The following CASZ1 variants were observed in gnomAD, a reference collection of about 807,000 sequenced individuals.
The protein encoded by CASZ1 is zinc finger protein castor homolog 1.
In CASZ1, 28 loss-of-function variants were observed where a neutral mutation model predicts 135.2. The ratio of observed to expected loss-of-function variants is 0.21; its 90% CI spans 0.15 to 0.28. The LOEUF (loss-of-function observed/expected upper bound fraction) is 0.28. CASZ1 is among the 10% of genes least tolerant of loss of function. CASZ1 has a pLI of 1.00. For missense variants in CASZ1, 2,161 were observed against 2,453.3 expected, an observed-to-expected ratio of 0.88 and a Z score of 2.52; for synonymous variants, 1,068 against 1,073.4, an observed-to-expected ratio of 0.99 and a Z score of 0.10.
rs569019852 is a variant in CASZ1, at chr1:10,725,046, C to T, written c.-76-19502G>A. On this transcript the variant is annotated intron_variant, in intron 2 of 20. Transcript: ENST00000377022. This position sits in a 1 kb window ranked among gnomAD's most constrained non-coding sequence, Gnocchi z 4.4. The stretch of plus-strand genomic sequence containing the variant: ...TGGCCGGGAGGGAGCCCACAGAGGA[C>T]GGAGGGAAGCAGCCCTCGCAGACGT... Among the ~76,000 whole-genome samples, 39 of 152,318 alleles carry T rather than the reference C, an allele frequency of 2.6e-4. No homozygotes were observed. Among genetic ancestry groups the T allele is most frequent in the Non-Finnish European group, 5.3e-4 (36 of 68,018 alleles).
At position 10,704,806 on chromosome 1, in the gene CASZ1, GGGCCCGAGGCCCGGT is replaced by G. The variant is rs1364663803; in HGVS notation, c.-24+671_-24+685del. On this transcript the variant is annotated intron_variant, in intron 3 of 20. Coordinates refer to ENST00000377022, the MANE Select transcript of CASZ1 (RefSeq NM_001079843.3). ...GTCACCTCTGACACAGCACTGCCTG[GGGCCCGAGGCCCGGT>G]GGCCCCGCGGTTTCTCGCGCCACCA... Among the ~76,000 whole-genome samples, 4 of 152,364 alleles carry G rather than the reference GGGCCCGAGGCCCGGT, an allele frequency of 2.6e-5. 1 individual carries two copies. The South Asian group carries it at 6.2e-4, about 24-fold the overall frequency.
In CASZ1 at chr1:10,636,891, C is replaced by T. The variant is rs1187649290; in HGVS notation, c.*2051G>A. The T allele has an allele frequency of 1.3e-5, 2 of 151,968 alleles. No individual in the cohort carries two copies. The highest frequency in any genetic ancestry group is 6.6e-5 in the Admixed American group (1 of 15,240). 9.4% of individuals were successfully genotyped at this position (151,968 alleles called of 1,614,324 possible). A position where few individuals can be genotyped will look rare whatever the true frequency, so the allele number is the denominator to read the frequency against. On this transcript the variant is annotated 3_prime_UTR_variant, in exon 21 of 21. Transcript: ENST00000377022. ...GTATATACATATAGATATATACACA[C>T]ACATATGTGCATACATATTATTTGA...
intron 1 of CASZ1, among the ~76,000 whole-genome samples, chr1:10,789,144 C>G (rs1640910121): frequency 6.6e-6 from 1 of 152,110 alleles, no homozygotes; most frequent in East Asian, 1.9e-4. Context: ...AAAGCAAATA[C>G]CCTGTGGCCC....
chr1:10,734,662 AAAAG>A (rs909307307), intron 2 of CASZ1, among the ~76,000 whole-genome samples: 6 of 152,190 alleles, frequency 3.9e-5, no homozygotes, highest in Admixed American at 6.5e-5. Flanking sequence ...AGTAAAGAAA[AAAAG>A]AGAGAGAGAA....
intron 1 of CASZ1, among the ~76,000 whole-genome samples, chr1:10,781,894 A>T (rs751199642): frequency 1.3e-5 from 2 of 152,206 alleles, no homozygotes; most frequent in African/African-American, 4.8e-5. Flanking sequence ...CAGAGTCCCA[A>T]TAAGGAGAGA....
In CASZ1 at chr1:10,655,701, T is replaced by C. The variant is rs768617070; in HGVS notation, c.1613A>G (p.Tyr538Cys). The change falls in exon 9 of 21, where the codon TAC (tyrosine) becomes TGC (cysteine). Residue 538 changes from tyrosine (Y) to cysteine (C), a missense_variant. By Grantham distance (194) the Tyr-to-Cys change is radical. Transcript: ENST00000377022. ...RFSPLDDCSV[Y>C]YHGCHLNGKS... Reference sequence around the variant, plus strand: ...CCCATTGAGGTGGCAGCCGTGGTAGTAGACGCTGCAGTCGTCCAGCGGGCT... The same window carrying C: ...CCCATTGAGGTGGCAGCCGTGGTAGCAGACGCTGCAGTCGTCCAGCGGGCT... The C allele has an allele frequency of 3.7e-6, 6 of 1,614,012 alleles. No individual in the cohort carries two copies. Among genetic ancestry groups the C allele is most frequent in the South Asian group, 2.2e-5 (2 of 91,094 alleles).
chr1:10,685,131 T>C (rs1638544750), intron 4 of CASZ1, among the ~76,000 whole-genome samples: 1 of 152,268 alleles, frequency 6.6e-6, no homozygotes, highest in African/African-American at 2.4e-5. Flanking sequence ...TAAGTTTTCA[T>C]CTTATTTTAA....
In CASZ1 at chr1:10,645,123, G is replaced by A. The variant is rs557857351; in HGVS notation, c.3697-35C>T. On this transcript the variant is annotated intron_variant, in intron 17 of 20. Coordinates refer to ENST00000377022, the MANE Select transcript of CASZ1 (RefSeq NM_001079843.3). ...GACACGGGAGGGTCAGGACAGGCGG[G>A]TGACTTTCAAGAGCTCCTGCCTGCC... The A allele has an allele frequency of 2.5e-6, 4 of 1,598,746 alleles. No homozygotes were observed. In the South Asian group the frequency reaches 3.3e-5, roughly 13 times the overall value.
intron 4 of CASZ1, among the ~76,000 whole-genome samples, chr1:10,671,347 C>T (rs755437778): frequency 1.3e-5 from 2 of 152,212 alleles, no homozygotes; most frequent in Non-Finnish European, 2.9e-5. Context: ...CGCTCGGATG[C>T]CTGTGTTTGT....
At chr1:10,705,135 G>A (rs1639145443) in intron 3 of CASZ1, among the ~76,000 whole-genome samples, 1 of 152,234 alleles carries the variant, frequency 6.6e-6, no homozygotes, top group South Asian at 2.1e-4. Context: ...CCACCGCCAC[G>A]GAGGCAATAG....
chr1:10,654,531 T>C lies in CASZ1; in HGVS notation c.1726A>G (p.Lys576Glu). The stretch of plus-strand genomic sequence containing the variant: ...TCGTTAATGAGCTGGGTATTCTTCT[T>C]GTGGAAGTTCTCGTGGGTCATCACG... Reference protein sequence around the residue: ...SDVMTHENFHKKNTQLINDGF... With the variant: ...SDVMTHENFHEKNTQLINDGF... The change falls in exon 10 of 21, where the codon AAG (lysine) becomes GAG (glutamate). Residue 576 changes from lysine to glutamate, a missense_variant. Transcript: ENST00000377022. 1 of 1,614,228 alleles carries C rather than the reference T, an allele frequency of 6.2e-7. No individual in the cohort carries two copies. Among genetic ancestry groups the C allele is most frequent in the African/African-American group, 1.3e-5 (1 of 75,054 alleles).
chr1:10,779,915 G>A (rs537674905), intron 1 of CASZ1, among the ~76,000 whole-genome samples: 1 of 152,160 alleles, frequency 6.6e-6, no homozygotes, highest in Non-Finnish European at 1.5e-5. Flanking sequence ...GGCTTTGCCC[G>A]AGTGACCCAG....
chr1:10,660,376 C>A lies in CASZ1; in HGVS notation c.666G>T (p.Met222Ile), dbSNP rs762942744. Reference protein sequence around the residue: ...GSTPEAATSSMLPTSEDTLSK... With the variant: ...GSTPEAATSSILPTSEDTLSK... ...TGAGGGTATCCTCGGAGGTGGGCAG[C>A]ATGGAGGAGGTGGCTGCCTCCGGGG... is the stretch of plus-strand genomic sequence containing the variant. The change falls in exon 6 of 21, where the codon ATG becomes ATT. Residue 222 changes from methionine to isoleucine, a missense_variant. This residue lies in a region of CASZ1 where 590 missense variants were observed against 609.8 expected (regional missense o/e 0.97). Transcript: ENST00000377022. 2 of 1,614,148 alleles carry A rather than the reference C, an allele frequency of 1.2e-6. No individual in the cohort carries two copies. Among genetic ancestry groups the A allele is most frequent in the South Asian group, 2.2e-5 (2 of 91,080 alleles).
At position 10,638,539 on chromosome 1, in the gene CASZ1, C is replaced by T. The variant is rs1642073178; in HGVS notation, c.*403G>A. Reference sequence around the variant, plus strand: ...CCCGCCAGCGGCTCCAGGAGCCACCCCGCCCTGGTGGCGCGCGGTGGGGGT... The same window carrying T: ...CCCGCCAGCGGCTCCAGGAGCCACCTCGCCCTGGTGGCGCGCGGTGGGGGT... On this transcript the variant is annotated 3_prime_UTR_variant, in exon 21 of 21. Coordinates refer to ENST00000377022, the MANE Select transcript of CASZ1 (RefSeq NM_001079843.3). This position sits in a 1 kb window ranked among gnomAD's most constrained non-coding sequence, Gnocchi z 5.9. 1 of 151,718 alleles carries T rather than the reference C, an allele frequency of 6.6e-6. No individual in the cohort carries two copies. Among genetic ancestry groups the T allele is most frequent in the Non-Finnish European group, 1.5e-5 (1 of 67,788 alleles). 9.4% of individuals were successfully genotyped at this position (151,718 alleles called of 1,614,324 possible). A position where few individuals can be genotyped will look rare whatever the true frequency, so the allele number is the denominator to read the frequency against.
chr1:10,687,518 G>A (rs948514160), intron 4 of CASZ1, among the ~76,000 whole-genome samples: 1 of 152,262 alleles, frequency 6.6e-6, no homozygotes, highest in Non-Finnish European at 1.5e-5. Context: ...TGAAGCCCTG[G>A]CGCCTGGCTG....
chr1:10,763,448 G>T (rs929543744), intron 1 of CASZ1, among the ~76,000 whole-genome samples: 2 of 152,120 alleles, frequency 1.3e-5, no homozygotes, highest in African/African-American at 4.8e-5. Context: ...CTTGCAGGCT[G>T]CGCGGAGGAT....
At chr1:10,640,904 G>A (rs1642183133) in intron 20 of CASZ1, among the ~76,000 whole-genome samples, 1 of 152,194 alleles carries the variant, frequency 6.6e-6, no homozygotes, top group Non-Finnish European at 1.5e-5. Context: ...GTGCCCCTAT[G>A]GCCATGGGTG....
chr1:10,643,108 A>G, intron 19 of CASZ1, 52 bp downstream of exon 19: 1 of 1,600,232 alleles, frequency 6.2e-7, no homozygotes, highest in Non-Finnish European at 8.5e-7. Flanking sequence ...GCGTGGGACC[A>G]TGATGCGTTC....
chr1:10,791,256 T>C (rs1250606130), intron 1 of CASZ1, among the ~76,000 whole-genome samples: 1 of 152,170 alleles, frequency 6.6e-6, no homozygotes, highest in Non-Finnish European at 1.5e-5. Context: ...AAAGCTACTT[T>C]TCCTGGAAAA....
Sources: allele counts gnomAD v4.1 joint callset (sites outside exome capture counted in the v4.1 genomes callset), GRCh38; gene constraint gnomAD v4.1.1; regional missense constraint gnomAD v4.1.1; non-coding constraint Gnocchi (gnomAD v3.1); transcripts MANE v1.5; gene names NCBI Gene and HGNC (gene_info 2026-07-23, HGNC 2026-07-21).